Variants in C11orf65 observed in about 807,000 individuals in gnomAD.
C11orf65 encodes the protein chromosome 11 open reading frame 65.
In C11orf65, 38 loss-of-function variants were observed where a neutral mutation model predicts 35.3. The ratio of observed to expected loss-of-function variants is 1.08; its 90% CI spans 0.83 to 1.41. The LOEUF (loss-of-function observed/expected upper bound fraction) is 1.41. Among genes scored for constraint, C11orf65 ranks in the 40% most tolerant of loss-of-function variants. C11orf65 has a pLI of 0.00. For synonymous variants in C11orf65, 105 were observed against 114.4 expected, an observed-to-expected ratio of 0.92 and a Z score of 0.53; for missense variants, 370 against 367.1, an observed-to-expected ratio of 1.01 and a Z score of -0.06.
chr11:108,399,957 A>G (rs2092407472), intron 6 of C11orf65, among the ~76,000 whole-genome samples: 1 of 152,152 alleles, frequency 6.6e-6, no homozygotes, highest in Admixed American at 6.5e-5. Flanking sequence ...TGATTCTCCC[A>G]TTAGGTCTCT....
At chr11:108,450,631 G>T in intron 2 of C11orf65, among the ~76,000 whole-genome samples, 1 of 105,346 alleles carries the variant, frequency 9.5e-6, no homozygotes, top group African/African-American at 3.7e-5. Context: ...TTGTGGGGTG[G>T]GGGGAGGGGG....
chr11:108,384,871 A>G (rs529715365), intron 8 of C11orf65, among the ~76,000 whole-genome samples: 1 of 152,316 alleles, frequency 6.6e-6, no homozygotes, highest in African/African-American at 2.4e-5. Context: ...CAGAACTCAT[A>G]CACCATCATT....
At position 108,436,128 on chromosome 11, in the gene C11orf65, A is replaced by C. The variant is rs561144682; in HGVS notation, c.82-4290T>G. On this transcript the variant is annotated intron_variant, in intron 2 of 8. Coordinates refer to ENST00000393084, the MANE Select transcript of C11orf65 (RefSeq NM_152587.5). ...TTTAGGAGGAAAAAAAAAAAAAAGAAAGAAAATAGAAGGGCATAATGAGCC... is the reference window on the plus strand; with the variant it reads ...TTTAGGAGGAAAAAAAAAAAAAAGACAGAAAATAGAAGGGCATAATGAGCC... 1.1e-4 allele frequency among the ~76,000 whole-genome samples: 16 copies of C among 152,118 alleles called. No homozygotes were observed. The South Asian group carries it at 3.1e-3, about 30-fold the overall frequency.
chr11:108,458,379 G>T (rs1258700392), intron 2 of C11orf65, among the ~76,000 whole-genome samples: 3 of 126,476 alleles, frequency 2.4e-5, no homozygotes, highest in African/African-American at 8.8e-5. Flanking sequence ...AAAAAAAAAA[G>T]AGGTGGTTGG....
chr11:108,440,519 T>C (rs2093135204), intron 2 of C11orf65, among the ~76,000 whole-genome samples: 2 of 152,130 alleles, frequency 1.3e-5, no homozygotes, highest in East Asian at 1.9e-4. Flanking sequence ...GCATGGAATA[T>C]AAAAAATGGC....
chr11:108,308,805 AAAG>A lies in C11orf65; in HGVS notation c.*163_*165del. ...AAACCATTCTTCTTCTCTAGTAGAA[AAAG>A]AAGTTTTATGCTTTTCAGTGTCTTT... On this transcript the variant is annotated 3_prime_UTR_variant, in exon 7 of 7. Coordinates refer to the C11orf65 transcript ENST00000525729. The A allele has an allele frequency of 4.5e-5, 24 of 537,214 alleles. 1 individual carries two copies. In the South Asian group the frequency reaches 6.1e-4, roughly 14 times the overall value. The allele number at this position is 537,214 out of a possible 1,614,324, so 33.3% of individuals were successfully genotyped here.
In C11orf65 at chr11:108,417,136, G is replaced by A. The variant is rs184102529; in HGVS notation, c.175-9987C>T. Among the ~76,000 whole-genome samples, 3 of 152,294 alleles carry A rather than the reference G, an allele frequency of 2.0e-5. No homozygotes were observed. The East Asian group carries it at 5.8e-4, about 29-fold the overall frequency. ...GTCTGAGACATACAGAGAGTAAATA[G>A]TAACAGGGTAGATTTAAATCCCCAA... On this transcript the variant is annotated intron_variant, in intron 3 of 8. Transcript: ENST00000393084.
At chr11:108,340,939 T>C (rs1303367115) in intron 2 of C11orf65, among the ~76,000 whole-genome samples, 1 of 152,158 alleles carries the variant, frequency 6.6e-6, no homozygotes, top group Non-Finnish European at 1.5e-5. Context: ...TTTATTGAGG[T>C]TTTTTTGGTG....
At chr11:108,450,866 T>C (rs1225073848) in intron 2 of C11orf65, among the ~76,000 whole-genome samples, 2 of 151,944 alleles carry the variant, frequency 1.3e-5, no homozygotes, top group Admixed American at 1.3e-4. Context: ...CACAAATCAA[T>C]AAATGTAATC....
intron 2 of C11orf65, among the ~76,000 whole-genome samples, chr11:108,362,137 AG>A (rs1251674645): frequency 1.8e-4 from 25 of 142,596 alleles, no homozygotes; most frequent in Admixed American, 1.6e-3. Flanking sequence ...AAGTGGGTGA[AG>A]GACATGAACA....
At chr11:108,333,177 CA>C (rs1258539345) in intron 3 of C11orf65, among the ~76,000 whole-genome samples, 3 of 152,024 alleles carry the variant, frequency 2.0e-5, no homozygotes, top group Non-Finnish European at 4.4e-5. Flanking sequence ...ATAATAGAGG[CA>C]AGTCTATTAA....
At chr11:108,342,778 G>C (rs2087750340) in intron 2 of C11orf65, among the ~76,000 whole-genome samples, 1 of 152,156 alleles carries the variant, frequency 6.6e-6, no homozygotes, top group South Asian at 2.1e-4. Context: ...ACTAAAGCAA[G>C]AGTACATGTA....
intron 2 of C11orf65, among the ~76,000 whole-genome samples, chr11:108,373,730 C>T (rs2091636263): frequency 6.6e-6 from 1 of 152,258 alleles, no homozygotes; most frequent in African/African-American, 2.4e-5. Flanking sequence ...GGCATCGCAT[C>T]ACACGGGAAG....
chr11:108,436,875 T>A (rs2093067265), intron 2 of C11orf65, among the ~76,000 whole-genome samples: 1 of 152,014 alleles, frequency 6.6e-6, no homozygotes, highest in East Asian at 1.9e-4. Context: ...TTCTATGAAA[T>A]GTGATAATAT....
intron 3 of C11orf65, among the ~76,000 whole-genome samples, chr11:108,414,664 C>T (rs2092706216): frequency 6.6e-6 from 1 of 152,036 alleles, no homozygotes; most frequent in Non-Finnish European, 1.5e-5. Flanking sequence ...TTACTATTTA[C>T]AGTCTCTTCC....
At chr11:108,407,170 C>G in intron 3 of C11orf65, 21 bp from the exon 4 acceptor site, 3 of 1,496,264 alleles carry the variant, frequency 2.0e-6, no homozygotes, top group Non-Finnish European at 2.7e-6. Context: ...ATATATTATT[C>G]TTATATATTA....
intron 2 of C11orf65, among the ~76,000 whole-genome samples, chr11:108,435,971 C>G (rs1285459014): frequency 6.6e-6 from 1 of 152,076 alleles, no homozygotes; most frequent in Non-Finnish European, 1.5e-5. Context: ...AAATTATCCT[C>G]ATTGGCCCAA....
chr11:108,318,586 A>G (rs1158324579), intron 6 of C11orf65, among the ~76,000 whole-genome samples: 1 of 151,596 alleles, frequency 6.6e-6, no homozygotes, highest in Non-Finnish European at 1.5e-5. Context: ...GCTACTCGGG[A>G]GGCTGAGGCA....
downstream of C11orf65, chr11:108,329,155 G>A (rs145747513): frequency 2.9e-5 from 47 of 1,614,008 alleles, no homozygotes; most frequent in African/African-American, 5.6e-4. Flanking sequence ...TGAAATCATC[G>A]GAATTTGAAA....
Sources: allele counts gnomAD v4.1 joint callset (sites outside exome capture counted in the v4.1 genomes callset), GRCh38; gene constraint gnomAD v4.1.1; transcripts MANE v1.5; gene names NCBI Gene and HGNC (gene_info 2026-07-23, HGNC 2026-07-21).